Variants in CCSER1 observed in about 807,000 individuals in gnomAD.
The protein encoded by CCSER1 is serine-rich coiled-coil domain-containing protein 1.
A neutral mutation model predicts 82.0 loss-of-function variants in CCSER1; 41 were observed. The observed-to-expected ratio is 0.50, with a 90% CI of 0.39 to 0.65. CCSER1 has a LOEUF of 0.65. Among genes scored for constraint, CCSER1 ranks in the 30% least tolerant of loss-of-function variants. The pLI is 0.00. For synonymous variants in CCSER1, 414 were observed against 383.9 expected (o/e 1.08, Z -0.92); for missense variants, 1,119 against 1,064.2 (o/e 1.05, Z -0.72).
intron 1 of CCSER1, among the ~76,000 whole-genome samples, chr4:90,273,182 T>C (rs545816108): frequency 1.3e-5 from 2 of 152,112 alleles, no homozygotes; most frequent in East Asian, 3.9e-4. Context: ...CTCATGGAGA[T>C]ACAGAGTAAA....
intron 7 of CCSER1, among the ~76,000 whole-genome samples, chr4:90,766,891 A>G (rs780947287): frequency 1.3e-5 from 2 of 152,134 alleles, no homozygotes; most frequent in Non-Finnish European, 2.9e-5. Flanking sequence ...ACTAGAGCTC[A>G]TACGAGATGT....
In CCSER1 at chr4:91,238,682, A is replaced by T. The variant is rs2149127440; in HGVS notation, c.2217+152688A>T. ...AAGATAATCCAATTGGTTGGCCAGT[A>T]ATTATCCAGTATTGAGTACCCATTA... is the stretch of plus-strand genomic sequence containing the variant. On this transcript the variant is annotated intron_variant, in intron 10 of 10. Transcript: ENST00000509176. Among the ~76,000 whole-genome samples, 2 of 152,300 alleles carry T rather than the reference A, an allele frequency of 1.3e-5. 1 individual carries two copies. The highest frequency in any genetic ancestry group is 4.2e-4 in the South Asian group (2 of 4,818).
intron 10 of CCSER1, among the ~76,000 whole-genome samples, chr4:91,109,559 G>A (rs371608622): frequency 1.3e-5 from 2 of 152,068 alleles, no homozygotes; most frequent in South Asian, 4.1e-4. Flanking sequence ...TTCCAATTTT[G>A]CCTTGAAAAG....
chr4:90,225,987 C>T (rs1743089753), intron 1 of CCSER1, among the ~76,000 whole-genome samples: 1 of 152,164 alleles, frequency 6.6e-6, no homozygotes, highest in African/African-American at 2.4e-5. Context: ...GGCCTGGCAG[C>T]CATCACTTTC....
chr4:90,753,345 T>G lies in CCSER1; in HGVS notation c.2010+29354T>G, dbSNP rs577503987. On this transcript the variant is annotated intron_variant, in intron 7 of 10. Coordinates refer to ENST00000509176, the MANE Select transcript of CCSER1 (RefSeq NM_001145065.2). ...TATGGAGAGCTTTCCCCTCATTTGCTTCTCCTTTAATGTCCTTCAGGTAAA... is the reference window on the plus strand; with the variant it reads ...TATGGAGAGCTTTCCCCTCATTTGCGTCTCCTTTAATGTCCTTCAGGTAAA... Among the ~76,000 whole-genome samples the G allele has an allele frequency of 2.6e-4, 40 of 152,260 alleles. No individual in the cohort carries two copies. In the South Asian group the frequency reaches 5.4e-3, roughly 20 times the overall value.
chr4:90,832,985 T>C (rs1442069781), intron 8 of CCSER1, among the ~76,000 whole-genome samples: 1 of 152,238 alleles, frequency 6.6e-6, no homozygotes, highest in East Asian at 1.9e-4. Context: ...GGTGTTACTT[T>C]AAAGACAATG....
chr4:90,516,388 A>G (rs1349548312), intron 5 of CCSER1, among the ~76,000 whole-genome samples: 4 of 152,172 alleles, frequency 2.6e-5, no homozygotes, highest in Non-Finnish European at 5.9e-5. Flanking sequence ...GGGATGGTGT[A>G]GAAACTTGGG....
intron 8 of CCSER1, among the ~76,000 whole-genome samples, chr4:90,913,118 A>G (rs1304057901): frequency 6.6e-6 from 1 of 152,200 alleles, no homozygotes; most frequent in African/African-American, 2.4e-5. Flanking sequence ...CCAACAATCA[A>G]ATTCAGGAAA....
intron 10 of CCSER1, among the ~76,000 whole-genome samples, chr4:91,224,240 T>C (rs907990950): frequency 1.3e-5 from 2 of 152,122 alleles, no homozygotes; most frequent in Admixed American, 1.3e-4. Flanking sequence ...CTTTATCTAC[T>C]GTGCTGCTTA....
intron 3 of CCSER1, 60 bp downstream of exon 3, chr4:90,313,107 A>G (rs1265752476): frequency 7.7e-6 from 10 of 1,306,768 alleles, no homozygotes; most frequent in Middle Eastern, 2.0e-4. Context: ...CGACATGTTC[A>G]TGTCTCTTGC....
rs1460076654 is a variant in CCSER1, at chr4:91,418,698, C to T, written c.2218-179874C>T. 3.3e-5 allele frequency among the ~76,000 whole-genome samples: 5 copies of T among 151,914 alleles called. No homozygotes were observed. The East Asian group carries it at 9.6e-4, about 29-fold the overall frequency. On this transcript the variant is annotated intron_variant, in intron 10 of 10. Coordinates refer to ENST00000509176, the MANE Select transcript of CCSER1 (RefSeq NM_001145065.2). Reference sequence around the variant, plus strand: ...ACTTTCCAAAAAATTAAAGAAGAAACACCTCCCAAACTCATTTACTATGCT... The same window carrying T: ...ACTTTCCAAAAAATTAAAGAAGAAATACCTCCCAAACTCATTTACTATGCT...
chr4:91,030,061 T>C (rs538968489), intron 9 of CCSER1, among the ~76,000 whole-genome samples: 2 of 152,142 alleles, frequency 1.3e-5, no homozygotes, highest in Non-Finnish European at 2.9e-5. Flanking sequence ...ATAATTGTTA[T>C]TATGGTACAA....
chr4:91,214,410 GAC>G (rs2149089572), intron 10 of CCSER1, among the ~76,000 whole-genome samples: 1 of 152,254 alleles, frequency 6.6e-6, no homozygotes, highest in South Asian at 2.1e-4. Flanking sequence ...CCCATAAAGA[GAC>G]CATCAACCAA....
chr4:91,524,427 G>T (rs1377391955), intron 10 of CCSER1, among the ~76,000 whole-genome samples: 1 of 152,192 alleles, frequency 6.6e-6, no homozygotes, highest in East Asian at 1.9e-4. Context: ...ACACAAGTCT[G>T]CTCAATGAGA....
chr4:90,673,185 C>T (rs1317469151), intron 6 of CCSER1, among the ~76,000 whole-genome samples: 1 of 151,732 alleles, frequency 6.6e-6, no homozygotes, highest in East Asian at 1.9e-4. Flanking sequence ...AAATGAGGTA[C>T]AATTGTATTT....
Position 90,308,233 on chromosome 4 carries a change from A to G in CCSER1, c.-41-11A>G. On this transcript the variant is annotated splice_polypyrimidine_tract_variant and intron_variant, in intron 1 of 10. Coordinates refer to ENST00000509176, the MANE Select transcript of CCSER1 (RefSeq NM_001145065.2). ...CTATTGACTTGTTGTTTTTGTTTTA[A>G]CCTTTCTCAGGCTGCAAAGTTGGCT... 6.8e-7 allele frequency: 1 copy of G among 1,461,512 alleles called. No homozygotes were observed. 90.5% of individuals were successfully genotyped at this position (1,461,512 alleles called of 1,614,324 possible).
chr4:90,913,237 G>T (rs1026920091), intron 8 of CCSER1, among the ~76,000 whole-genome samples: 11 of 152,202 alleles, frequency 7.2e-5, no homozygotes, highest in African/African-American at 2.4e-4. Flanking sequence ...AGGGCAGCCA[G>T]AGAGAAAGGT....
At chr4:90,925,533 G>C (rs1728950804) in intron 9 of CCSER1, among the ~76,000 whole-genome samples, 1 of 152,094 alleles carries the variant, frequency 6.6e-6, no homozygotes, top group African/African-American at 2.4e-5. Flanking sequence ...TGGTTACTGA[G>C]GAATGAACGA....
At chr4:90,485,517 C>A (rs1203940080) in intron 5 of CCSER1, among the ~76,000 whole-genome samples, 1 of 132,236 alleles carries the variant, frequency 7.6e-6, no homozygotes, top group Non-Finnish European at 1.6e-5. Flanking sequence ...ATCTTGGCTC[C>A]ACCCCCCCCC....
Sources: allele counts gnomAD v4.1 joint callset (sites outside exome capture counted in the v4.1 genomes callset), GRCh38; gene constraint gnomAD v4.1.1; transcripts MANE v1.5; gene names NCBI Gene and HGNC (gene_info 2026-07-23, HGNC 2026-07-21).